Variants in MACF1 observed in about 807,000 individuals in gnomAD.
The protein encoded by MACF1 is microtubule-actin cross-linking factor 1.
A neutral mutation model predicts 854.8 loss-of-function variants in MACF1; 193 were observed. That is an observed-to-expected ratio of 0.23 (90% CI 0.20 to 0.25). MACF1 has a LOEUF of 0.25. Ranked by LOEUF, MACF1 falls within the 10% of genes least tolerant of loss-of-function variation. The pLI is 1.00. For synonymous variants in MACF1, 3,185 were observed against 3,226.7 expected (o/e 0.99, Z 0.44); for missense variants, 7,722 against 8,929.1 (o/e 0.86, Z 5.45).
intron 21 of MACF1, among the ~76,000 whole-genome samples, chr1:39,298,856 T>C (rs944708299): frequency 6.6e-6 from 1 of 151,936 alleles, no homozygotes; most frequent in Non-Finnish European, 1.5e-5. Flanking sequence ...GTACCTTCTG[T>C]CATAGGGTAA....
At chr1:39,098,968 C>A (rs903663182) in intron 2 of MACF1, among the ~76,000 whole-genome samples, 14 of 152,190 alleles carry the variant, frequency 9.2e-5, no homozygotes, top group African/African-American at 3.1e-4. Flanking sequence ...TGGAGCTTCA[C>A]TTCTGAGACT....
intron 38 of MACF1, among the ~76,000 whole-genome samples, 181 bp downstream of exon 38, chr1:39,337,512 A>G (rs1646834226): frequency 6.6e-6 from 1 of 151,832 alleles, no homozygotes; most frequent in African/African-American, 2.4e-5. Flanking sequence ...AAATTTATAC[A>G]GGATAAACTT....
At chr1:39,190,796 A>G (rs890974775) in intron 2 of MACF1, among the ~76,000 whole-genome samples, 1 of 152,018 alleles carries the variant, frequency 6.6e-6, no homozygotes, top group African/African-American at 2.4e-5. Context: ...GGAGTTTGAG[A>G]CTGGGTTGGC....
intron 58 of MACF1, among the ~76,000 whole-genome samples, chr1:39,391,786 T>C (rs534385702): frequency 6.6e-6 from 1 of 152,366 alleles, no homozygotes. Context: ...TGCCTAATAG[T>C]GCTCAGAGTT....
intron 23 of MACF1, chr1:39,304,565 CTTTT>C (rs372120678): frequency 1.2e-5 from 9 of 722,504 alleles, no homozygotes; most frequent in Non-Finnish European, 1.5e-5. Context: ...TCTTTTCTTT[CTTTT>C]TTTTTTTTTC....
chr1:39,230,695 T>C (rs1644767994), intron 1 of MACF1, among the ~76,000 whole-genome samples: 1 of 152,064 alleles, frequency 6.6e-6, no homozygotes, highest in East Asian at 1.9e-4. Context: ...AGTTTGATTG[T>C]TTTGATAATG....
chr1:39,412,984 G>A, intron 58 of MACF1: 1 of 1,586,818 alleles, frequency 6.3e-7, no homozygotes, highest in East Asian at 2.3e-5. Flanking sequence ...CCCAGAGAGG[G>A]CTACTGTCCC....
rs781110078 is a variant in MACF1, at chr1:39,335,183, C to G, written c.8595C>G (p.Ile2865Met). ...TGTCTTCAGATGCTAAAGAATTTAT[C>G]AGTATCATAAATCCTCATAATCTTA... ...PRMSSDAKEF[I>M]SIINPHNLKG... is the part of the protein sequence containing the mutation. The change falls in exon 37 of 101, where the codon ATC (isoleucine) becomes ATG (methionine). Residue 2865 changes from isoleucine (I) to methionine (M), a missense_variant. This residue lies in a region of MACF1 where 854 missense variants were observed against 852.6 expected (regional missense o/e 1.00). Transcript: ENST00000564288. 1.9e-5 allele frequency: 30 copies of G among 1,613,872 alleles called. No individual in the cohort carries two copies. In the Admixed American group the frequency reaches 4.2e-4, roughly 22 times the overall value.
chr1:39,416,493 G>T (rs1034819535), intron 58 of MACF1, among the ~76,000 whole-genome samples: 11 of 111,712 alleles, frequency 9.8e-5, no homozygotes, highest in South Asian at 2.8e-4. Flanking sequence ...AAAATAAAAA[G>T]AAAAAAAAAA....
At chr1:39,298,087 G>T (rs1416906751) in intron 21 of MACF1, among the ~76,000 whole-genome samples, 1 of 151,782 alleles carries the variant, frequency 6.6e-6, no homozygotes, top group South Asian at 2.1e-4. Context: ...ATGAAGAAAA[G>T]GTTGAAGGGG....
At chr1:39,432,892 A>T (rs1386365184) in intron 67 of MACF1, among the ~76,000 whole-genome samples, 156 bp from the exon 68 acceptor site, 1 of 152,242 alleles carries the variant, frequency 6.6e-6, no homozygotes, top group Non-Finnish European at 1.5e-5. Flanking sequence ...TTTGTAAGCT[A>T]CTAAAAAGAT....
At chr1:39,414,818 C>T (rs985767879) in intron 58 of MACF1, among the ~76,000 whole-genome samples, 1 of 152,156 alleles carries the variant, frequency 6.6e-6, no homozygotes, top group Non-Finnish European at 1.5e-5. Flanking sequence ...CTTGCCTAAA[C>T]CAAGAGACAG....
intron 2 of MACF1, among the ~76,000 whole-genome samples, chr1:39,180,678 A>G (rs1016185374): frequency 2.0e-5 from 3 of 152,136 alleles, no homozygotes; most frequent in African/African-American, 7.2e-5. Flanking sequence ...TATTTGACGC[A>G]TTTGTGATAG....
intron 23 of MACF1, among the ~76,000 whole-genome samples, chr1:39,305,122 G>C (rs779314136): frequency 1.3e-5 from 2 of 151,440 alleles, no homozygotes; most frequent in Non-Finnish European, 2.9e-5. Flanking sequence ...TTAGCCTGGC[G>C]TGGTGGTGCA....
chr1:39,321,814 A>G (rs1646520917), intron 31 of MACF1, among the ~76,000 whole-genome samples: 1 of 152,172 alleles, frequency 6.6e-6, no homozygotes, highest in Non-Finnish European at 1.5e-5. Flanking sequence ...ATTTATATGC[A>G]TGTTGGTGTT....
intron 2 of MACF1, among the ~76,000 whole-genome samples, chr1:39,107,186 CAA>C (rs1642266588): frequency 6.6e-6 from 1 of 152,108 alleles, no homozygotes. Flanking sequence ...AATTAAGACC[CAA>C]AATAGGTGAA....
intron 84 of MACF1, 136 bp from the exon 85 acceptor site, chr1:39,450,916 T>C: frequency 4.9e-6 from 5 of 1,029,958 alleles, no homozygotes; most frequent in East Asian, 2.6e-5. Context: ...CGGCCTTTAC[T>C]GTATTTCTAA....
Position 39,439,333 on chromosome 1 carries a change from G to A in MACF1, c.18280G>A (p.Glu6094Lys). 1.2e-6 allele frequency: 2 copies of A among 1,614,066 alleles called. No individual in the cohort carries two copies. Among genetic ancestry groups the A allele is most frequent in the Non-Finnish European group, 1.7e-6 (2 of 1,179,970 alleles). ...CTGGGAGGACATCAAAGCTCGGGCTGAAGAACGAGAAATCAAATTTCTTGA... is the reference window on the plus strand; with the variant it reads ...CTGGGAGGACATCAAAGCTCGGGCTAAAGAACGAGAAATCAAATTTCTTGA... ...FFWEDIKARAEEREIKFLDVL... is the reference protein window; with the variant it reads ...FFWEDIKARAKEREIKFLDVL... The change falls in exon 72 of 101, where the codon GAA (glutamate) becomes AAA (lysine). Residue 6094 changes from glutamate to lysine, a missense_variant. Around this residue, in one of 15 missense-constraint regions of MACF1, gnomAD observed 2,807 missense variants for 3,235.8 expected, o/e 0.87. Transcript: ENST00000564288.
At position 39,410,721 on chromosome 1, in the gene MACF1, C is replaced by G. The variant is rs369157142; in HGVS notation, c.15817-11653C>G. 9.5e-5 allele frequency: 154 copies of G among 1,613,882 alleles called. No homozygotes were observed. The African/African-American group carries it at 1.4e-3, about 15-fold the overall frequency. On this transcript the variant is annotated intron_variant, in intron 58 of 100. Transcript: ENST00000564288. ...TTGCAGAGAGGATAGAAGCTTCTCT[C>G]AGTGAGGTTTCAGAAGCTGGTGCTT...
Sources: allele counts gnomAD v4.1 joint callset (sites outside exome capture counted in the v4.1 genomes callset), GRCh38; gene constraint gnomAD v4.1.1; regional missense constraint gnomAD v4.1.1; transcripts MANE v1.5; gene names NCBI Gene and HGNC (gene_info 2026-07-23, HGNC 2026-07-21).